JMJD1C: variants seen among roughly 807,000 people sequenced by gnomAD.
JMJD1C encodes the protein jumonji domain-containing protein 1C.
Under a neutral mutation model 245.3 loss-of-function variants are expected in JMJD1C, and 31 were observed. That is an observed-to-expected ratio of 0.13 (90% CI 0.09 to 0.17). The LOEUF (loss-of-function observed/expected upper bound fraction) is 0.17. JMJD1C is among the 10% of genes least tolerant of loss of function. JMJD1C has a pLI of 1.00. For missense variants in JMJD1C, 2,691 were observed against 3,000.2 expected (o/e 0.90, Z 2.41); for synonymous variants, 1,057 against 1,017.4 (o/e 1.04, Z -0.74).
At chr10:63,273,794 A>G (rs150121650) in intron 2 of JMJD1C, among the ~76,000 whole-genome samples, 101 of 152,286 alleles carry the variant, frequency 6.6e-4, no homozygotes, top group African/African-American at 2.0e-3. Flanking sequence ...TACAAGCTGA[A>G]TGTATCAACA....
chr10:63,249,829 T>A (rs987653170), intron 3 of JMJD1C, among the ~76,000 whole-genome samples: 5 of 151,036 alleles, frequency 3.3e-5, no homozygotes, highest in African/African-American at 1.2e-4. Context: ...CACTGCATTC[T>A]AGCCTGGGCT....
intron 1 of JMJD1C, among the ~76,000 whole-genome samples, chr10:63,517,300 G>A (rs967999287): frequency 1.3e-5 from 2 of 152,154 alleles, no homozygotes; most frequent in Non-Finnish European, 2.9e-5. Flanking sequence ...TGCAGAAGAT[G>A]CACATTCCAC....
At chr10:63,496,018 T>C (rs1213269838) in intron 1 of JMJD1C, among the ~76,000 whole-genome samples, 1 of 149,808 alleles carries the variant, frequency 6.7e-6, no homozygotes, top group Non-Finnish European at 1.5e-5. Context: ...ACAATATCAC[T>C]TGTGAGGCAA....
chr10:63,266,520 CAG>C (rs1354372868), intron 2 of JMJD1C, among the ~76,000 whole-genome samples: 4 of 152,078 alleles, frequency 2.6e-5, no homozygotes, highest in African/African-American at 7.2e-5. Context: ...GTAACATAAA[CAG>C]GGATATTCGG....
intron 1 of JMJD1C, among the ~76,000 whole-genome samples, chr10:63,404,411 T>A (rs1275956693): frequency 6.6e-6 from 1 of 152,046 alleles, no homozygotes; most frequent in African/African-American, 2.4e-5. Context: ...ACATGCTAAT[T>A]TTTTTTTCTT....
chr10:63,321,016 T>G (rs1213530867), intron 2 of JMJD1C, among the ~76,000 whole-genome samples: 1 of 152,162 alleles, frequency 6.6e-6, no homozygotes, highest in Non-Finnish European at 1.5e-5. Context: ...GCCTATGTAA[T>G]GAAGTCTCCA....
At chr10:63,168,651 A>AC in intron 24 of JMJD1C, 85 bp from the exon 25 acceptor site, 1 of 1,229,590 alleles carries the variant, frequency 8.1e-7, no homozygotes, top group South Asian at 1.9e-5. Context: ...AATAAACACA[A>AC]GAGACAATTC....
intron 1 of JMJD1C, among the ~76,000 whole-genome samples, chr10:63,456,643 G>GA (rs1303224910): frequency 6.6e-6 from 1 of 151,964 alleles, no homozygotes; most frequent in Non-Finnish European, 1.5e-5. Flanking sequence ...TTCTAGCTTT[G>GA]AAAAAATCTG....
chr10:63,396,930 T>TG (rs1491447782), intron 1 of JMJD1C, among the ~76,000 whole-genome samples: 17 of 117,956 alleles, frequency 1.4e-4, no homozygotes, highest in African/African-American at 5.7e-4. Flanking sequence ...TGGTTTTTGG[T>TG]TTTTTTTTTT....
chr10:63,506,376 T>C (rs923531559), intron 1 of JMJD1C, among the ~76,000 whole-genome samples: 9 of 152,190 alleles, frequency 5.9e-5, no homozygotes, highest in African/African-American at 1.7e-4. Context: ...TGAATTAAGT[T>C]CCCTTTAATA....
At chr10:63,481,741 G>A (rs1317314873) in intron 1 of JMJD1C, among the ~76,000 whole-genome samples, 3 of 152,148 alleles carry the variant, frequency 2.0e-5, no homozygotes, top group African/African-American at 4.8e-5. Flanking sequence ...AGGACTGAAA[G>A]AGGTAAAAAT....
At chr10:63,326,202 G>A (rs889225678) in intron 2 of JMJD1C, among the ~76,000 whole-genome samples, 2 of 151,986 alleles carry the variant, frequency 1.3e-5, no homozygotes, top group Non-Finnish European at 1.5e-5. Context: ...CGTGTTTAAA[G>A]ATGATAAAAT....
Position 63,214,243 on chromosome 10 carries a change from G to A in JMJD1C, c.1924C>T (p.Pro642Ser), listed in dbSNP as rs374367132. 99 of 1,613,868 alleles carry A rather than the reference G, an allele frequency of 6.1e-5. 1 individual carries two copies. In the East Asian group the frequency reaches 2.1e-3, roughly 35 times the overall value. ...GTTATTTTGGGTTTAACAACTTCAG[G>A]TGATGGGCTGGATTTTATCTTGTGA... Reference protein sequence around the residue: ...DTHKIKSSPSPEVVKPKITHS... With the variant: ...DTHKIKSSPSSEVVKPKITHS... The change falls in exon 8 of 26, where the codon CCT becomes TCT. Residue 642 changes from proline to serine, a missense_variant. Coordinates refer to ENST00000399262, the MANE Select transcript of JMJD1C (RefSeq NM_032776.3).
chr10:63,319,770 G>A (rs760608217), intron 2 of JMJD1C, among the ~76,000 whole-genome samples: 2 of 151,894 alleles, frequency 1.3e-5, no homozygotes, highest in African/African-American at 2.4e-5. Flanking sequence ...TTGTTTGTTT[G>A]CTTGTTTTCT....
At chr10:63,211,996 A>G (rs1847417942) in intron 8 of JMJD1C, among the ~76,000 whole-genome samples, 1 of 120,160 alleles carries the variant, frequency 8.3e-6, no homozygotes, top group Non-Finnish European at 2.0e-5. Context: ...ACAGCCTTAA[A>G]TAAGAAGAAG....
At chr10:63,360,360 G>A (rs538893534) in intron 2 of JMJD1C, among the ~76,000 whole-genome samples, 134 of 152,128 alleles carry the variant, frequency 8.8e-4, no homozygotes, top group African/African-American at 3.0e-3. Context: ...CCCTGTCTCC[G>A]AATAAAAGAA....
intron 3 of JMJD1C, among the ~76,000 whole-genome samples, chr10:63,246,031 G>A (rs1369222187): frequency 1.1e-4 from 16 of 150,420 alleles, no homozygotes; most frequent in African/African-American, 4.0e-4. Flanking sequence ...TCCTGTCAGA[G>A]AAGAAAAAAA....
intron 3 of JMJD1C, among the ~76,000 whole-genome samples, chr10:63,246,634 A>G (rs951766884): frequency 1.3e-5 from 2 of 152,154 alleles, no homozygotes; most frequent in African/African-American, 4.8e-5. Context: ...TGTACAAAAA[A>G]GAAAATATTT....
At chr10:63,248,364 T>C (rs1173559333) in intron 3 of JMJD1C, among the ~76,000 whole-genome samples, 20 of 151,520 alleles carry the variant, frequency 1.3e-4, no homozygotes, top group Admixed American at 9.9e-4. Flanking sequence ...CTACTAAAAA[T>C]ACAAAAATTA....
Sources: gnomAD v4.1 joint callset for allele counts (sites outside exome capture counted in the v4.1 genomes callset) on GRCh38, gnomAD v4.1.1 for gene constraint, MANE v1.5 for transcripts, NCBI Gene and HGNC (gene_info 2026-07-23, HGNC 2026-07-21) for gene names.